CERK: variants seen among roughly 807,000 people sequenced by gnomAD.
CERK encodes ceramide kinase, also known as acylsphingosine kinase.
CERK carries 39 observed loss-of-function variants against 63.4 expected under a neutral mutation model. The ratio of observed to expected loss-of-function variants is 0.61; its 90% CI spans 0.48 to 0.80. CERK has a LOEUF of 0.80. Among genes scored for constraint, CERK ranks in the 30% least tolerant of loss-of-function variants. The pLI, the probability that CERK is intolerant of heterozygous loss-of-function variation, is 0.00. For synonymous variants in CERK, 302 were observed against 280.0 expected, an observed-to-expected ratio of 1.08 and a Z score of -0.78; for missense variants, 670 against 714.1, an observed-to-expected ratio of 0.94 and a Z score of 0.70.
intron 10 of CERK, among the ~76,000 whole-genome samples, chr22:46,693,130 A>G (rs1376223098): frequency 6.6e-6 from 1 of 152,118 alleles, no homozygotes; most frequent in African/African-American, 2.4e-5. Context: ...TCAATGGGAC[A>G]TCTGCTGCCC....
intron 2 of CERK, 114 bp from the exon 3 acceptor site, chr22:46,720,322 G>T: frequency 8.0e-7 from 1 of 1,255,208 alleles, no homozygotes; most frequent in East Asian, 2.5e-5. Flanking sequence ...AAATTTCCCA[G>T]GGGTTCTCCT....
At chr22:46,711,028 T>G (rs1234530429) in intron 5 of CERK, 58 bp downstream of exon 5, 8 of 1,394,452 alleles carry the variant, frequency 5.7e-6, no homozygotes, top group Non-Finnish European at 8.1e-6. Flanking sequence ...AACTGAGAGG[T>G]GGGTAGAACT....
intron 1 of CERK, among the ~76,000 whole-genome samples, chr22:46,729,360 A>G (rs1026810782): frequency 6.6e-6 from 1 of 152,050 alleles, no homozygotes; most frequent in East Asian, 1.9e-4. Flanking sequence ...GTAAATAAAT[A>G]AATTAATTAA....
chr22:46,716,882 C>T (rs1421509700), intron 3 of CERK, among the ~76,000 whole-genome samples: 2 of 151,872 alleles, frequency 1.3e-5, no homozygotes, highest in Non-Finnish European at 2.9e-5. Context: ...TTGCAGTGAG[C>T]CAGGATCGCG....
chr22:46,696,065 C>T (rs981302372), intron 8 of CERK, among the ~76,000 whole-genome samples: 4 of 152,170 alleles, frequency 2.6e-5, no homozygotes, highest in East Asian at 1.9e-4. Flanking sequence ...CCTGCAGGGC[C>T]GTCACACACA....
intron 3 of CERK, among the ~76,000 whole-genome samples, chr22:46,713,401 T>C (rs1369211054): frequency 7.0e-6 from 1 of 142,188 alleles, no homozygotes; most frequent in East Asian, 2.2e-4. Flanking sequence ...CCCAGCTACT[T>C]GGGAGGCTGA....
At position 46,699,442 on chromosome 22, in the gene CERK, AC is replaced by A; in HGVS notation, c.813del (p.Ser272ProfsTer45). The A allele has an allele frequency of 1.2e-6, 2 of 1,614,120 alleles. No homozygotes were observed. The highest frequency in any genetic ancestry group is 1.7e-6 in the Non-Finnish European group (2 of 1,180,012). ...AGTGTGCTGTTGTGGTGGACTGAGG[AC>A]ACATCCATGGCCAGCGAGTCCCCTG... ...IVVGDSLAMD[V>X]SSVHHNSTLL... On this transcript the variant is annotated frameshift_variant, in exon 8 of 13. Transcript: ENST00000216264. LOFTEE classifies it high-confidence loss of function.
intron 3 of CERK, among the ~76,000 whole-genome samples, chr22:46,717,386 C>T (rs1459122430): frequency 6.6e-6 from 1 of 152,240 alleles, no homozygotes; most frequent in Non-Finnish European, 1.5e-5. Flanking sequence ...AATGACCAGC[C>T]ACTGTACCAT....
intron 6 of CERK, 148 bp downstream of exon 6, chr22:46,707,695 C>T: frequency 1.2e-6 from 1 of 860,504 alleles, no homozygotes; most frequent in Non-Finnish European, 1.8e-6. Flanking sequence ...TCAATGATAT[C>T]CCCCCAAGAG....
At chr22:46,733,868 C>T in intron 1 of CERK, among the ~76,000 whole-genome samples, 1 of 151,452 alleles carries the variant, frequency 6.6e-6, no homozygotes, top group East Asian at 2.0e-4. Context: ...ATGGTGAAAC[C>T]CTGTCTCTAC....
intron 1 of CERK, among the ~76,000 whole-genome samples, chr22:46,723,429 G>A (rs1377570108): frequency 6.6e-6 from 1 of 152,064 alleles, no homozygotes; most frequent in South Asian, 2.1e-4. Flanking sequence ...GACCAGCCTG[G>A]CCAACATGGT....
intron 1 of CERK, among the ~76,000 whole-genome samples, chr22:46,726,990 A>C (rs968476047): frequency 6.6e-6 from 1 of 152,180 alleles, no homozygotes; most frequent in Non-Finnish European, 1.5e-5. Flanking sequence ...AAACCTTCTG[A>C]TTGTAAAACA....
chr22:46,713,089 A>G (rs1344088787), intron 3 of CERK, among the ~76,000 whole-genome samples: 1 of 151,980 alleles, frequency 6.6e-6, no homozygotes, highest in Non-Finnish European at 1.5e-5. Flanking sequence ...CAACTTCCAC[A>G]TTTCTGTTTT....
At position 46,711,087 on chromosome 22, in the gene CERK, C is replaced by T. The variant is rs535097139; in HGVS notation, c.568G>A (p.Gly190Ser). The change falls in exon 5 of 13, where the codon GGC (glycine) becomes AGC (serine). Residue 190 changes from glycine to serine, a missense_variant and splice_region_variant. Transcript: ENST00000216264. ...LYEINIDKYD[G>S]IVCVGGDGMF... ...GGCGATGAAAGACGGCTTACTCACC[C>T]GTCGTATTTGTCTATGTTAATCTCA... 6.8e-6 allele frequency: 11 copies of T among 1,612,028 alleles called. No individual in the cohort carries two copies. The highest frequency in any genetic ancestry group is 1.7e-5 in the Admixed American group (1 of 59,904).
intron 1 of CERK, among the ~76,000 whole-genome samples, chr22:46,736,871 A>G (rs376508896): frequency 2.1e-4 from 32 of 152,314 alleles, no homozygotes; most frequent in African/African-American, 7.0e-4. Flanking sequence ...GACTGCCCAC[A>G]GGGTCTAAAG....
chr22:46,729,928 A>G (rs2082937319), intron 1 of CERK, among the ~76,000 whole-genome samples: 1 of 151,976 alleles, frequency 6.6e-6, no homozygotes, highest in African/African-American at 2.4e-5. Flanking sequence ...AGTCCCAGCT[A>G]CTCAGGAGGC....
At chr22:46,727,987 C>A (rs971587171) in intron 1 of CERK, among the ~76,000 whole-genome samples, 1 of 152,202 alleles carries the variant, frequency 6.6e-6, no homozygotes, top group East Asian at 1.9e-4. Context: ...ACGTGGCAGC[C>A]AACACACAGG....
chr22:46,731,188 C>A (rs1362874503), intron 1 of CERK, among the ~76,000 whole-genome samples: 1 of 152,262 alleles, frequency 6.6e-6, no homozygotes, highest in Admixed American at 6.5e-5. Flanking sequence ...CGGGCCCCCA[C>A]CCTGCACTGG....
chr22:46,705,094 C>T (rs183631491), intron 6 of CERK, among the ~76,000 whole-genome samples: 67 of 152,370 alleles, frequency 4.4e-4, no homozygotes, highest in Middle Eastern at 6.8e-3. Context: ...GAAACTCCCC[C>T]TCCCAGCCCC....
Sources: allele counts gnomAD v4.1 joint callset (sites outside exome capture counted in the v4.1 genomes callset), GRCh38; gene constraint gnomAD v4.1.1; transcripts MANE v1.5; gene names NCBI Gene and HGNC (gene_info 2026-07-23, HGNC 2026-07-21).